GPHN: variants seen among roughly 807,000 people sequenced by gnomAD.
GPHN encodes gephyrin.
GPHN carries 17 observed loss-of-function variants against 95.5 expected under a neutral mutation model. The ratio of observed to expected loss-of-function variants is 0.18; its 90% CI spans 0.12 to 0.27. The LOEUF is 0.27. Ranked by LOEUF, GPHN falls within the 10% of genes least tolerant of loss-of-function variation. The pLI, the probability that GPHN is intolerant of heterozygous loss-of-function variation, is 1.00. For synonymous variants in GPHN, 320 were observed against 322.5 expected, an observed-to-expected ratio of 0.99 and a Z score of 0.08; for missense variants, 660 against 978.1, an observed-to-expected ratio of 0.67 and a Z score of 4.34.
chr14:67,127,228 A>G (rs1158733532), intron 17 of GPHN, among the ~76,000 whole-genome samples: 1 of 150,050 alleles, frequency 6.7e-6, no homozygotes, highest in African/African-American at 2.5e-5. Context: ...CAATGTGCAC[A>G]TGTACCCTAA....
intron 4 of GPHN, among the ~76,000 whole-genome samples, chr14:66,844,445 G>A (rs2062232644): frequency 6.6e-6 from 1 of 152,090 alleles, no homozygotes. Context: ...GATGTAAAGT[G>A]GGGTGTGTAT....
chr14:66,557,434 C>T (rs1276543496), intron 1 of GPHN, among the ~76,000 whole-genome samples: 2 of 152,042 alleles, frequency 1.3e-5, no homozygotes, highest in Non-Finnish European at 2.9e-5. Flanking sequence ...CAGTGAGATA[C>T]TTTGTACTTA....
intron 10 of GPHN, among the ~76,000 whole-genome samples, chr14:67,033,109 G>A (rs926165104): frequency 2.4e-4 from 36 of 152,224 alleles, no homozygotes; most frequent in African/African-American, 8.7e-4. Context: ...GAGAAATTCT[G>A]GAGCCAAAGG....
the GPHN span, chr14:67,592,300 C>G: frequency 2.4e-6 from 1 of 421,668 alleles, no homozygotes; most frequent in Non-Finnish European, 4.5e-6. Context: ...ATTAGCCAGG[C>G]GAGATGGTGC....
At chr14:66,771,800 G>A (rs10149310) in intron 2 of GPHN, among the ~76,000 whole-genome samples, 2 of 143,422 alleles carry the variant, frequency 1.4e-5, no homozygotes, top group Non-Finnish European at 3.0e-5. Context: ...TGTTCAATTC[G>A]CACCTATGAG....
chr14:66,936,141 G>A (rs2067122368), intron 8 of GPHN, among the ~76,000 whole-genome samples: 1 of 152,164 alleles, frequency 6.6e-6, no homozygotes. Context: ...CACTTTGGAA[G>A]GCTGAGGTGG....
At chr14:67,395,058 T>C in the GPHN span, among the ~76,000 whole-genome samples, 1 of 152,150 alleles carries the variant, frequency 6.6e-6, no homozygotes, top group Non-Finnish European at 1.5e-5. Context: ...TTTCAGGTAT[T>C]CTGTTATAAG....
At chr14:66,537,963 G>T (rs1243680309) in intron 1 of GPHN, among the ~76,000 whole-genome samples, 1 of 152,050 alleles carries the variant, frequency 6.6e-6, no homozygotes, top group East Asian at 1.9e-4. Context: ...AAGTAGCTGG[G>T]AGTACAGGTG....
chr14:67,165,517 G>A (rs1008944605), intron 20 of GPHN, among the ~76,000 whole-genome samples: 1 of 152,152 alleles, frequency 6.6e-6, no homozygotes, highest in African/African-American at 2.4e-5. Context: ...AGTGTTAGCT[G>A]TCACTAGATC....
chr14:67,540,818 C>A, the GPHN span, among the ~76,000 whole-genome samples: 1 of 152,118 alleles, frequency 6.6e-6, no homozygotes, highest in Admixed American at 6.6e-5. Flanking sequence ...GGCATTCTCT[C>A]CTGCTTGCTC....
chr14:67,413,646 C>T, the GPHN span, among the ~76,000 whole-genome samples: 6 of 152,158 alleles, frequency 3.9e-5, no homozygotes, highest in African/African-American at 1.2e-4. Context: ...TCCCCCCAAC[C>T]CCACTCCCAC....
chr14:67,437,822 G>A, the GPHN span, among the ~76,000 whole-genome samples: 2 of 152,126 alleles, frequency 1.3e-5, no homozygotes, highest in African/African-American at 4.8e-5. Flanking sequence ...GGAGACTGGT[G>A]GGAGGCAGGT....
the GPHN span, among the ~76,000 whole-genome samples, chr14:67,298,962 TATA>T: frequency 6.6e-6 from 1 of 152,206 alleles, no homozygotes; most frequent in East Asian, 1.9e-4. Context: ...TTTTGCTTAG[TATA>T]ATGTTTTTGA....
At chr14:66,822,144 G>A (rs536476653) in intron 3 of GPHN, among the ~76,000 whole-genome samples, 67 of 152,228 alleles carry the variant, frequency 4.4e-4, no homozygotes, top group African/African-American at 1.3e-3. Flanking sequence ...TAGAGACGGC[G>A]TTTCACCATC....
chr14:66,832,789 C>A (rs1456255608), intron 4 of GPHN, among the ~76,000 whole-genome samples: 1 of 152,042 alleles, frequency 6.6e-6, no homozygotes, highest in Non-Finnish European at 1.5e-5. Context: ...TTAGCCAATT[C>A]AGGCAAAAAG....
chr14:67,254,878 C>T, the GPHN span, among the ~76,000 whole-genome samples: 1 of 152,194 alleles, frequency 6.6e-6, no homozygotes, highest in Non-Finnish European at 1.5e-5. Context: ...TGGCCGGGCG[C>T]AGTGGCTCAC....
the GPHN span, among the ~76,000 whole-genome samples, chr14:67,511,494 G>A: frequency 6.6e-6 from 1 of 152,146 alleles, no homozygotes; most frequent in Admixed American, 6.5e-5. Context: ...GCCACACTGG[G>A]AGCCGAGAAT....
intron 1 of GPHN, among the ~76,000 whole-genome samples, chr14:66,528,253 A>G (rs2058770646): frequency 6.6e-6 from 1 of 152,188 alleles, no homozygotes; most frequent in South Asian, 2.1e-4. Flanking sequence ...TTGTTGGCTT[A>G]AAGTCTGTTT....
At chr14:67,350,715 G>C in the GPHN span, 1 of 1,596,304 alleles carries the variant, frequency 6.3e-7, no homozygotes, top group Non-Finnish European at 8.6e-7. Flanking sequence ...ACCAACAGCA[G>C]ATTCAACCAA....
Sources: allele counts gnomAD v4.1 joint callset (sites outside exome capture counted in the v4.1 genomes callset), GRCh38; gene constraint gnomAD v4.1.1; transcripts MANE v1.5; gene names NCBI Gene and HGNC (gene_info 2026-07-23, HGNC 2026-07-21).